FGF14: variants seen among roughly 807,000 people sequenced by gnomAD.
FGF14 encodes the protein fibroblast growth factor homologous factor 4.
In FGF14, 5 loss-of-function variants were observed where a neutral mutation model predicts 25.5. That is an observed-to-expected ratio of 0.20 (90% CI 0.10 to 0.41). The LOEUF (loss-of-function observed/expected upper bound fraction) is 0.41. Ranked by LOEUF, FGF14 falls within the 10% of genes least tolerant of loss-of-function variation. The probability of loss-of-function intolerance (pLI) is 1.00; values close to 1 mark genes in which losing one functional copy is unlikely to be tolerated. For missense variants in FGF14, 222 were observed against 320.1 expected (o/e 0.69, Z 2.34); for synonymous variants, 138 against 118.3 (o/e 1.17, Z -1.08).
At chr13:101,900,221 A>G (rs1057083824) in intron 1 of FGF14, among the ~76,000 whole-genome samples, 1 of 152,200 alleles carries the variant, frequency 6.6e-6, no homozygotes, top group South Asian at 2.1e-4. Context: ...TTTTCCATGA[A>G]TGTTTAAATT....
chr13:102,124,080 G>T (rs974072223), intron 1 of FGF14, among the ~76,000 whole-genome samples: 4 of 151,994 alleles, frequency 2.6e-5, no homozygotes, highest in African/African-American at 9.7e-5. Context: ...AAAATAATTT[G>T]AAGGCAAAAA....
In FGF14 at chr13:102,059,621, C is replaced by T. The variant is rs2042586809; in HGVS notation, c.209-184325G>A. 2.6e-5 allele frequency among the ~76,000 whole-genome samples: 4 copies of T among 152,118 alleles called. No homozygotes were observed. The South Asian group carries it at 8.3e-4, about 31-fold the overall frequency. The stretch of plus-strand genomic sequence containing the variant: ...ATCCCAGCACTTTGGGAGGCCGAGG[C>T]GGGTGGATCACGTGAGGTCAGAAGT... On this transcript the variant is annotated intron_variant, in intron 1 of 4. Coordinates refer to the FGF14 transcript ENST00000376131.
At chr13:102,067,528 G>A (rs2140133085) in intron 1 of FGF14, among the ~76,000 whole-genome samples, 1 of 151,590 alleles carries the variant, frequency 6.6e-6, no homozygotes, top group South Asian at 2.1e-4. Context: ...CAGTCAAATA[G>A]AGCACTTCAG....
chr13:102,256,170 G>C (rs537850329), intron 1 of FGF14, among the ~76,000 whole-genome samples: 6 of 152,164 alleles, frequency 3.9e-5, no homozygotes, highest in African/African-American at 1.4e-4. Flanking sequence ...AGGGAGAAAT[G>C]AAAAGATTGA....
chr13:102,318,251 A>T (rs993358721), intron 1 of FGF14, among the ~76,000 whole-genome samples: 3 of 152,142 alleles, frequency 2.0e-5, no homozygotes, highest in Admixed American at 2.0e-4. Flanking sequence ...ATCTACTCAC[A>T]TAGGGAGTGC....
intron 3 of FGF14, among the ~76,000 whole-genome samples, chr13:101,758,573 T>C (rs2037804646): frequency 6.6e-6 from 1 of 152,204 alleles, no homozygotes; most frequent in South Asian, 2.1e-4. Context: ...ACAATAAAGA[T>C]ACAGTAACCA....
chr13:101,824,602 G>A (rs937568085), intron 3 of FGF14, among the ~76,000 whole-genome samples: 7 of 152,120 alleles, frequency 4.6e-5, no homozygotes, highest in Admixed American at 1.3e-4. Context: ...CTTAGTCCAG[G>A]CTTCCTGGCA....
chr13:102,043,680 G>A (rs538312247), intron 1 of FGF14, among the ~76,000 whole-genome samples: 8 of 152,132 alleles, frequency 5.3e-5, no homozygotes, highest in Admixed American at 1.3e-4. Flanking sequence ...ATATCTGACC[G>A]AAACAGTGAG....
rs573998785 is a variant in FGF14, at chr13:102,002,519, A to G, written c.209-127223T>C. ...AAGTATGATACAATGGAAAATCTGA[A>G]GTTAGTTGTGAGAGCTCTGAATGCT... On this transcript the variant is annotated intron_variant, in intron 1 of 4. Transcript: ENST00000376131. 1.2e-4 allele frequency: 20 copies of G among 167,066 alleles called. No homozygotes were observed. In the South Asian group the frequency reaches 3.3e-3, roughly 27 times the overall value. The allele number at this position is 167,066 out of a possible 1,614,324, so 10.3% of individuals were successfully genotyped here.
chr13:102,104,430 A>T (rs2044806181), intron 1 of FGF14, among the ~76,000 whole-genome samples: 1 of 152,186 alleles, frequency 6.6e-6, no homozygotes, highest in Non-Finnish European at 1.5e-5. Context: ...GCATTTATTT[A>T]CTTATCTTCC....
chr13:102,039,563 T>G (rs546183937), intron 1 of FGF14, among the ~76,000 whole-genome samples: 2 of 152,292 alleles, frequency 1.3e-5, no homozygotes, highest in African/African-American at 4.8e-5. Context: ...TGCTGACTCC[T>G]GTCTCTGCCT....
At chr13:102,321,059 A>C (rs1281003054) in intron 1 of FGF14, among the ~76,000 whole-genome samples, 1 of 152,180 alleles carries the variant, frequency 6.6e-6, no homozygotes, top group Non-Finnish European at 1.5e-5. Flanking sequence ...GGAATGTCTG[A>C]TTCCTGCTTG....
intron 1 of FGF14, among the ~76,000 whole-genome samples, chr13:101,959,832 C>T (rs1329769414): frequency 6.6e-6 from 1 of 152,182 alleles, no homozygotes; most frequent in East Asian, 1.9e-4. Context: ...TTCATCCATC[C>T]TCTCCTTTCT....
At chr13:102,152,639 G>A (rs2047139424) in intron 1 of FGF14, among the ~76,000 whole-genome samples, 1 of 152,162 alleles carries the variant, frequency 6.6e-6, no homozygotes, top group Admixed American at 6.6e-5. Context: ...TGGTGTCAGG[G>A]AATTTGCTAG....
At chr13:102,225,930 G>T in intron 1 of FGF14, among the ~76,000 whole-genome samples, 1 of 152,160 alleles carries the variant, frequency 6.6e-6, no homozygotes, top group Non-Finnish European at 1.5e-5. Context: ...TGAGGTCGTG[G>T]CCGCATATTT....
intron 1 of FGF14, among the ~76,000 whole-genome samples, chr13:102,189,376 G>A (rs2049037077): frequency 6.6e-6 from 1 of 152,118 alleles, no homozygotes; most frequent in African/African-American, 2.4e-5. Context: ...AGGATAAGGT[G>A]GAGAGAGGAA....
At chr13:102,263,460 G>T (rs578087138) in intron 1 of FGF14, among the ~76,000 whole-genome samples, 2 of 152,128 alleles carry the variant, frequency 1.3e-5, no homozygotes, top group Non-Finnish European at 2.9e-5. Flanking sequence ...CACATGAAAG[G>T]CACCCCCAAT....
chr13:102,302,038 T>A (rs56278715), intron 1 of FGF14, among the ~76,000 whole-genome samples: 3 of 152,074 alleles, frequency 2.0e-5, no homozygotes, highest in African/African-American at 7.2e-5. Flanking sequence ...AGATAGGGCC[T>A]CCTCCTCCAC....
At chr13:102,131,228 C>T (rs1055103642) in intron 1 of FGF14, among the ~76,000 whole-genome samples, 4 of 152,114 alleles carry the variant, frequency 2.6e-5, no homozygotes, top group African/African-American at 7.2e-5. Context: ...ATATTGCTGG[C>T]GTACTTGCTA....
Sources: gnomAD v4.1 joint callset for allele counts (sites outside exome capture counted in the v4.1 genomes callset) on GRCh38, gnomAD v4.1.1 for gene constraint, MANE v1.5 for transcripts, NCBI Gene and HGNC (gene_info 2026-07-23, HGNC 2026-07-21) for gene names.